Variants in FANCB observed in about 807,000 individuals in gnomAD.
FANCB encodes FA complementation group B.
In FANCB, 5 loss-of-function variants were observed where a neutral mutation model predicts 38.9. That is an observed-to-expected ratio of 0.13 (90% CI 0.07 to 0.27). The LOEUF (loss-of-function observed/expected upper bound fraction) is 0.27. Among genes scored for constraint, FANCB ranks in the 10% least tolerant of loss-of-function variants. The pLI is 1.00. For missense variants in FANCB, 573 were observed against 602.7 expected (o/e 0.95, Z 0.52); for synonymous variants, 236 against 215.4 (o/e 1.10, Z -0.84).
At chrX:14,738,301 A>G in the FANCB span, among the ~76,000 whole-genome samples, 3,066 of 111,974 alleles carry the variant, frequency 0.027, 98 homozygotes, top group African/African-American at 0.094. Flanking sequence ...GTTACTGGGG[A>G]TTTTATTTTG....
At chrX:14,690,659 TTCTCTC>T in the FANCB span, 22 of 774,301 alleles carry the variant, frequency 2.8e-5, no homozygotes, top group South Asian at 5.0e-5. Flanking sequence ...TAGTCTTTCT[TTCTCTC>T]TCTCTCTCTC....
At chrX:14,795,347 T>C in the FANCB span, among the ~76,000 whole-genome samples, 31 of 112,506 alleles carry the variant, frequency 2.8e-4, no homozygotes, top group Admixed American at 2.7e-3. Flanking sequence ...ATATATTTAA[T>C]GCACTTTCAT....
the FANCB span, among the ~76,000 whole-genome samples, chrX:14,725,393 G>A: frequency 9.0e-6 from 1 of 110,778 alleles, no homozygotes; most frequent in Non-Finnish European, 1.9e-5. Context: ...GACACATATT[G>A]CTTCCTAAGA....
In FANCB at chrX:14,856,203, T is replaced by C. The variant is rs978355758; in HGVS notation, c.1197+1659A>G. ...GTTTAGATTTGGACCAATATTGTAG[T>C]TTATAAATACTACATAAACATTCTT... On this transcript the variant is annotated intron_variant, in intron 5 of 9. Coordinates refer to ENST00000650831, the MANE Select transcript of FANCB (RefSeq NM_001018113.3). Among the ~76,000 whole-genome samples, 58 of 111,877 alleles carry C rather than the reference T, an allele frequency of 5.2e-4. 2 individuals carry two copies. Among genetic ancestry groups the C allele is most frequent in the Non-Finnish European group, 3.0e-4 (16 of 53,101 alleles).
Position 14,844,586 on chromosome X carries a change from A to G in FANCB, c.2082T>C (p.Cys694=). Residue 694 remains cysteine (C), a synonymous_variant, in exon 9 of 10, where the codon TGT becomes TGC. Coordinates refer to ENST00000650831, the MANE Select transcript of FANCB (RefSeq NM_001018113.3). The stretch of plus-strand genomic sequence containing the variant: ...TCCCATAGAAACTTCCCGGTCTTTC[A>G]CAAAAGTACACTTCTGGAAATTCTT... The part of the protein sequence containing the change: ...IIKEFPEVYF[C]ERPGSFYGTL... 8.3e-7 allele frequency: 1 copy of G among 1,209,873 alleles called. No individual in the cohort carries two copies. Among genetic ancestry groups the G allele is most frequent in the Non-Finnish European group, 1.1e-6 (1 of 893,702 alleles).
chrX:14,714,729 G>A, the FANCB span, among the ~76,000 whole-genome samples: 1 of 112,549 alleles, frequency 8.9e-6, no homozygotes, highest in Non-Finnish European at 1.9e-5. Flanking sequence ...CAATGAAGGT[G>A]ATGTTGTATA....
the FANCB span, among the ~76,000 whole-genome samples, chrX:14,735,953 A>G: frequency 2.7e-5 from 3 of 111,552 alleles, no homozygotes; most frequent in African/African-American, 9.8e-5. Context: ...GAATCTAGAG[A>G]GGCAGTCTGG....
the FANCB span, among the ~76,000 whole-genome samples, chrX:14,693,550 C>CTGAT: frequency 9.0e-6 from 1 of 111,679 alleles, no homozygotes; most frequent in East Asian, 2.8e-4. Flanking sequence ...CTCTCAGCAA[C>CTGAT]TGATAGAAAA....
the FANCB span, among the ~76,000 whole-genome samples, chrX:14,719,218 C>T: frequency 1.8e-5 from 2 of 111,746 alleles, no homozygotes; most frequent in African/African-American, 6.5e-5. Flanking sequence ...TAAAAGACTT[C>T]AATGGGTGAA....
At chrX:14,820,207 C>T in the FANCB span, among the ~76,000 whole-genome samples, 3 of 111,087 alleles carry the variant, frequency 2.7e-5, no homozygotes, top group South Asian at 1.1e-3. Flanking sequence ...CCCTCTGTCT[C>T]TGCCTATGTC....
the FANCB span, among the ~76,000 whole-genome samples, chrX:14,817,899 T>C: frequency 1.8e-5 from 2 of 111,652 alleles, no homozygotes; most frequent in Non-Finnish European, 3.8e-5. Flanking sequence ...GAGACAGAAA[T>C]GGAATAAAGG....
intron 3 of FANCB, 49 bp from the exon 4 acceptor site, chrX:14,859,383 T>C (rs1463940188): frequency 3.2e-6 from 3 of 941,775 alleles, no homozygotes; most frequent in Middle Eastern, 2.7e-4. Context: ...AAAAATCGAA[T>C]GTGAAATAAA....
chrX:14,702,162 T>G, the FANCB span, among the ~76,000 whole-genome samples: 361 of 111,676 alleles, frequency 3.2e-3, 1 homozygote, highest in African/African-American at 0.011. Flanking sequence ...CACTACATCA[T>G]AAAAAGTTGA....
At chrX:14,821,659 A>G in the FANCB span, among the ~76,000 whole-genome samples, 1 of 111,474 alleles carries the variant, frequency 9.0e-6, no homozygotes, top group Non-Finnish European at 1.9e-5. Context: ...CAAATTCACA[A>G]GGGGCTTTTC....
At chrX:14,743,785 C>A in the FANCB span, among the ~76,000 whole-genome samples, 1 of 111,108 alleles carries the variant, frequency 9.0e-6, no homozygotes, top group Non-Finnish European at 1.9e-5. Context: ...GAAAAGAACT[C>A]TTCCTTGCCT....
the FANCB span, among the ~76,000 whole-genome samples, chrX:14,791,775 A>C: frequency 1.8e-5 from 2 of 112,235 alleles, no homozygotes; most frequent in African/African-American, 6.5e-5. Flanking sequence ...TATAACCTAC[A>C]CTGTCATAGG....
chrX:14,750,425 G>A, the FANCB span, among the ~76,000 whole-genome samples: 3 of 111,877 alleles, frequency 2.7e-5, no homozygotes, highest in East Asian at 2.8e-4. Context: ...CAAAGTCTAC[G>A]GCCGAATCCT....
chrX:14,729,779 A>T, the FANCB span, among the ~76,000 whole-genome samples: 1 of 111,175 alleles, frequency 9.0e-6, no homozygotes, highest in African/African-American at 3.3e-5. Context: ...AGGGCCAGGC[A>T]CACAGCACAG....
At chrX:14,855,978 T>G (rs748332569) in intron 5 of FANCB, among the ~76,000 whole-genome samples, 39 of 112,530 alleles carry the variant, frequency 3.5e-4, no homozygotes, top group Admixed American at 3.4e-3. Flanking sequence ...AGACTTCATC[T>G]ATCATTTTCA....
Sources: gnomAD v4.1 joint callset for allele counts (sites outside exome capture counted in the v4.1 genomes callset) on GRCh38, gnomAD v4.1.1 for gene constraint, MANE v1.5 for transcripts, NCBI Gene and HGNC (gene_info 2026-07-23, HGNC 2026-07-21) for gene names.